The following ANXA4 variants were observed in gnomAD, a reference collection of about 807,000 sequenced individuals.
ANXA4 encodes the protein annexin A4.
A neutral mutation model predicts 49.8 loss-of-function variants in ANXA4; 39 were observed. That is an observed-to-expected ratio of 0.78 (90% CI 0.61 to 1.02). ANXA4 has a LOEUF of 1.02. Among genes scored for constraint, ANXA4 ranks in the 50% least tolerant of loss-of-function variants. The probability of loss-of-function intolerance (pLI) is 0.00; values close to 1 mark genes in which losing one functional copy is unlikely to be tolerated. For synonymous variants in ANXA4, 134 were observed against 152.5 expected (o/e 0.88, Z 0.89); for missense variants, 360 against 410.1 (o/e 0.88, Z 1.05).
chr2:69,645,821 T>C (rs185368194), intron 1 of ANXA4, among the ~76,000 whole-genome samples: 2 of 152,304 alleles, frequency 1.3e-5, no homozygotes, highest in South Asian at 2.1e-4. Flanking sequence ...TTTTCATGCT[T>C]TACATATATT....
chr2:69,733,295 A>C (rs1384460749), intron 3 of ANXA4, among the ~76,000 whole-genome samples: 3 of 152,216 alleles, frequency 2.0e-5, no homozygotes, highest in African/African-American at 7.2e-5. Context: ...CTAACACCAG[A>C]AAACTGTTGG....
chr2:69,663,486 T>C (rs1454910379), intron 2 of ANXA4, among the ~76,000 whole-genome samples: 3 of 151,808 alleles, frequency 2.0e-5, no homozygotes, highest in South Asian at 4.2e-4. Flanking sequence ...AAATCTACTA[T>C]TGAGCTTCTC....
upstream of ANXA4, among the ~76,000 whole-genome samples, chr2:69,738,141 G>A (rs1017503824): frequency 6.6e-6 from 1 of 152,090 alleles, no homozygotes; most frequent in African/African-American, 2.4e-5. Context: ...CTAACTAAGT[G>A]TCCTGTATTT....
intron 2 of ANXA4, among the ~76,000 whole-genome samples, chr2:69,675,811 C>T (rs1053692642): frequency 6.6e-6 from 1 of 151,918 alleles, no homozygotes; most frequent in Non-Finnish European, 1.5e-5. Context: ...ATCACGAGGT[C>T]AGGAGATCAA....
intron 11 of ANXA4, among the ~76,000 whole-genome samples, 192 bp from the exon 12 acceptor site, chr2:69,820,507 G>A (rs1674187210): frequency 6.6e-6 from 1 of 152,088 alleles, no homozygotes; most frequent in Admixed American, 6.6e-5. Flanking sequence ...AGAACATAGA[G>A]CATTGGAAAA....
At chr2:69,797,375 A>C (rs1251378597) in intron 3 of ANXA4, among the ~76,000 whole-genome samples, 1 of 152,118 alleles carries the variant, frequency 6.6e-6, no homozygotes, top group African/African-American at 2.4e-5. Context: ...GACCTAATCA[A>C]TGGGCTAGTC....
intron 1 of ANXA4, among the ~76,000 whole-genome samples, chr2:69,751,975 T>C (rs1573193841): frequency 6.6e-6 from 1 of 152,322 alleles, no homozygotes; most frequent in South Asian, 2.1e-4. Flanking sequence ...CATAGGACTG[T>C]ATGATCAGTA....
At chr2:69,727,282 G>A (rs1455645270) in intron 3 of ANXA4, among the ~76,000 whole-genome samples, 1 of 152,190 alleles carries the variant, frequency 6.6e-6, no homozygotes, top group Admixed American at 6.5e-5. Flanking sequence ...GTTACGCATT[G>A]CTGGGTCATA....
At chr2:69,697,699 G>A (rs979405632) in intron 2 of ANXA4, among the ~76,000 whole-genome samples, 1 of 152,168 alleles carries the variant, frequency 6.6e-6, no homozygotes, top group African/African-American at 2.4e-5. Context: ...TCGTAGGGTT[G>A]TTAATTGGCC....
At chr2:69,711,213 C>G (rs1678668809) in intron 2 of ANXA4, among the ~76,000 whole-genome samples, 1 of 152,154 alleles carries the variant, frequency 6.6e-6, no homozygotes, top group African/African-American at 2.4e-5. Flanking sequence ...ACCTGTAATT[C>G]CAGCTACTTG....
chr2:69,689,379 T>G (rs1167036111), intron 2 of ANXA4, among the ~76,000 whole-genome samples: 2 of 152,196 alleles, frequency 1.3e-5, no homozygotes. Context: ...TGAGCCACCA[T>G]GACCAGCCCA....
At chr2:69,794,522 ATTATGTTATGTTATGTTATGTTATG>A (rs58396740) in intron 3 of ANXA4, among the ~76,000 whole-genome samples, 12,973 of 126,302 alleles carry the variant, frequency 0.1, 834 homozygotes, top group Non-Finnish European at 0.14. Flanking sequence ...GTTATGTTAT[ATTATGTTATGTTATGTTATGTTATG>A]TTATGTTATG....
intron 9 of ANXA4, 87 bp downstream of exon 9, chr2:69,816,281 T>C: frequency 2.8e-6 from 3 of 1,087,320 alleles, no homozygotes; most frequent in Non-Finnish European, 4.2e-6. Context: ...ACCTTCCTCC[T>C]TCAGTTGGTA....
chr2:69,769,765 C>T (rs1161572735), intron 1 of ANXA4, among the ~76,000 whole-genome samples: 6 of 152,152 alleles, frequency 3.9e-5, no homozygotes, highest in Non-Finnish European at 8.8e-5. Context: ...CAGGTTCCAG[C>T]GATTCTCCTG....
At chr2:69,747,174 A>C (rs541630225) in intron 1 of ANXA4, among the ~76,000 whole-genome samples, 1 of 152,204 alleles carries the variant, frequency 6.6e-6, no homozygotes, top group South Asian at 2.1e-4. Flanking sequence ...AGGCCCAGTC[A>C]CTGTGAATTC....
intron 1 of ANXA4, among the ~76,000 whole-genome samples, chr2:69,652,641 G>T (rs115923356): frequency 2.0e-5 from 3 of 151,978 alleles, no homozygotes; most frequent in African/African-American, 7.3e-5. Context: ...GGCAGATCAC[G>T]TGAGGTCAGG....
chr2:69,709,538 C>G (rs929089277), intron 2 of ANXA4, among the ~76,000 whole-genome samples: 2 of 152,222 alleles, frequency 1.3e-5, no homozygotes, highest in Non-Finnish European at 2.9e-5. Context: ...TGCCTGACTT[C>G]CCAAGATGAT....
upstream of ANXA4, among the ~76,000 whole-genome samples, chr2:69,739,250 G>A (rs1231917718): frequency 6.6e-6 from 1 of 152,012 alleles, no homozygotes; most frequent in Non-Finnish European, 1.5e-5. Context: ...GTTGCTTCTC[G>A]GTTTTCCCTA....
At chr2:69,745,456 A>G (rs1280747363) in intron 1 of ANXA4, among the ~76,000 whole-genome samples, 2 of 152,220 alleles carry the variant, frequency 1.3e-5, no homozygotes, top group African/African-American at 4.8e-5. Context: ...TACAATATGC[A>G]GATTCTGCTT....
Sources: gnomAD v4.1 joint callset for allele counts (sites outside exome capture counted in the v4.1 genomes callset) on GRCh38, gnomAD v4.1.1 for gene constraint, MANE v1.5 for transcripts, NCBI Gene and HGNC (gene_info 2026-07-23, HGNC 2026-07-21) for gene names.